Variants in CFAP61 observed in about 807,000 individuals in gnomAD.
CFAP61 encodes cilia and flagella associated protein 61.
Under a neutral mutation model 135.6 loss-of-function variants are expected in CFAP61, and 107 were observed. The observed-to-expected ratio is 0.79, with a 90% CI of 0.67 to 0.93. The LOEUF (loss-of-function observed/expected upper bound fraction) is 0.93, where lower values mean the gene tolerates loss of function less well. Among genes scored for constraint, CFAP61 ranks in the 40% least tolerant of loss-of-function variants. The probability of loss-of-function intolerance (pLI) is 0.00; values close to 1 mark genes in which losing one functional copy is unlikely to be tolerated. For synonymous variants in CFAP61, 575 were observed against 578.5 expected, an observed-to-expected ratio of 0.99 and a Z score of 0.09; for missense variants, 1,507 against 1,556.2, an observed-to-expected ratio of 0.97 and a Z score of 0.53.
At chr20:20,272,306 G>C (rs962137580) in intron 21 of CFAP61, among the ~76,000 whole-genome samples, 1 of 152,140 alleles carries the variant, frequency 6.6e-6, no homozygotes, top group African/African-American at 2.4e-5. Context: ...CGTGTGTGGT[G>C]GTGGGTGCCT....
chr20:20,191,342 G>A lies in CFAP61; in HGVS notation c.1513G>A (p.Asp505Asn), dbSNP rs1426972297. The A allele has an allele frequency of 1.6e-5, 25 of 1,612,084 alleles. 1 individual carries two copies. Among genetic ancestry groups the A allele is most frequent in the East Asian group, 4.5e-5 (2 of 44,828 alleles). ...DRYNKARKDPDGTLLQAFVAE... is the reference protein window; with the variant it reads ...DRYNKARKDPNGTLLQAFVAE... ...TTAAAATATATGCTTATCTTTTCAG[G>A]ATGGAACACTGCTGCAGGCATTTGT... The change falls in exon 15 of 27, where the codon GAT becomes AAT. Residue 505 changes from aspartate to asparagine, a missense_variant and splice_region_variant. Coordinates refer to ENST00000245957, the MANE Select transcript of CFAP61 (RefSeq NM_015585.4).
At chr20:20,307,051 TCA>T (rs1207984611) in intron 25 of CFAP61, among the ~76,000 whole-genome samples, 1 of 152,182 alleles carries the variant, frequency 6.6e-6, no homozygotes, top group Non-Finnish European at 1.5e-5. Flanking sequence ...CTGCCACCTC[TCA>T]GTTATCCATA....
At chr20:20,275,184 G>T (rs1261723579) in intron 21 of CFAP61, among the ~76,000 whole-genome samples, 4 of 152,150 alleles carry the variant, frequency 2.6e-5, no homozygotes, top group Non-Finnish European at 5.9e-5. Flanking sequence ...ATCCAAGCAG[G>T]ATGAAACACA....
At chr20:20,129,686 G>C (rs1319687166) in intron 8 of CFAP61, among the ~76,000 whole-genome samples, 1 of 149,500 alleles carries the variant, frequency 6.7e-6, no homozygotes, top group Non-Finnish European at 1.5e-5. Flanking sequence ...ATAATTCTTA[G>C]ATTTGTTTTT....
At chr20:20,081,787 G>T (rs189204201) in intron 6 of CFAP61, among the ~76,000 whole-genome samples, 2 of 150,184 alleles carry the variant, frequency 1.3e-5, no homozygotes, top group East Asian at 3.9e-4. Context: ...TACAGCCCCT[G>T]ATGTGCCCAT....
chr20:20,262,996 C>CA lies in CFAP61; in HGVS notation c.2372dup (p.Asn791LysfsTer31). On this transcript the variant is annotated frameshift_variant, in exon 21 of 27. Transcript: ENST00000245957. LOFTEE classifies it high-confidence loss of function. ...GAGGCTGATATTAGTCAACACCTGA[C>CA]AAACAGGGAGGTTCCCAACAGCAGT... The CA allele has an allele frequency of 6.2e-7, 1 of 1,613,646 alleles. No individual in the cohort carries two copies. The highest frequency in any genetic ancestry group is 8.5e-7 in the Non-Finnish European group (1 of 1,179,846).
At chr20:20,083,228 A>G (rs1379249774) in intron 6 of CFAP61, among the ~76,000 whole-genome samples, 15 of 152,166 alleles carry the variant, frequency 9.9e-5, no homozygotes. Flanking sequence ...ATTCTAAGTG[A>G]AGTAACTCAG....
At chr20:20,230,612 G>A (rs1158736811) in intron 18 of CFAP61, among the ~76,000 whole-genome samples, 1 of 152,126 alleles carries the variant, frequency 6.6e-6, no homozygotes, top group East Asian at 1.9e-4. Flanking sequence ...GGAGTGTATG[G>A]AGCAATCTCG....
chr20:20,346,001 A>G (rs1017233307), intron 26 of CFAP61, among the ~76,000 whole-genome samples: 1 of 129,192 alleles, frequency 7.7e-6, no homozygotes, highest in African/African-American at 2.8e-5. Flanking sequence ...TCCCGGGTTC[A>G]CGCCATTCTC....
intron 8 of CFAP61, among the ~76,000 whole-genome samples, chr20:20,111,701 A>T (rs2048812660): frequency 6.6e-6 from 1 of 152,216 alleles, no homozygotes; most frequent in South Asian, 2.1e-4. Flanking sequence ...AGGGAGAAAA[A>T]TAAGATATTT....
chr20:20,064,151 C>T (rs1600375020), intron 2 of CFAP61, among the ~76,000 whole-genome samples: 1 of 151,912 alleles, frequency 6.6e-6, no homozygotes, highest in Non-Finnish European at 1.5e-5. Context: ...TTGTTCATGC[C>T]TTCCACCCAC....
chr20:20,127,217 G>C (rs945938082), intron 8 of CFAP61, among the ~76,000 whole-genome samples: 2 of 151,608 alleles, frequency 1.3e-5, no homozygotes, highest in African/African-American at 4.9e-5. Context: ...ATCTGTTTCA[G>C]GTAAATCAGG....
intron 22 of CFAP61, among the ~76,000 whole-genome samples, chr20:20,280,513 C>A (rs1238593478): frequency 6.6e-6 from 1 of 152,078 alleles, no homozygotes; most frequent in Non-Finnish European, 1.5e-5. Context: ...TGTTGATAAC[C>A]AGAATCATAC....
chr20:20,212,543 T>C (rs1360327116), intron 17 of CFAP61, among the ~76,000 whole-genome samples: 1 of 152,160 alleles, frequency 6.6e-6, no homozygotes, highest in Non-Finnish European at 1.5e-5. Flanking sequence ...TGTCTCTCCC[T>C]GAGCCTGTTT....
At chr20:20,091,027 G>A (rs760105142) in intron 7 of CFAP61, 51 bp downstream of exon 7, 3 of 1,600,884 alleles carry the variant, frequency 1.9e-6, no homozygotes, top group East Asian at 4.5e-5. Flanking sequence ...AAGGAGGGAT[G>A]TGAGTGGTGT....
chr20:20,143,066 GA>G, intron 9 of CFAP61, 118 bp downstream of exon 9: 1 of 629,576 alleles, frequency 1.6e-6, no homozygotes, highest in Non-Finnish European at 2.8e-6. Context: ...GCCTGATGCA[GA>G]AAAGGCCTCA....
chr20:20,085,120 G>T (rs987258338), intron 6 of CFAP61: 7 of 985,278 alleles, frequency 7.1e-6, no homozygotes, highest in African/African-American at 3.5e-5. Context: ...TATAAACTCC[G>T]CATCTTCATC....
In CFAP61 at chr20:20,070,923, G is replaced by A. The variant is rs1462586055; in HGVS notation, c.213G>A (p.Leu71=). ...AGATCATGGCCCAGGCCACCTTCCT[G>A]GACTACCCCAACTGGAATGTTGCCA... ...KEEIMAQATF[L]DYPNWNVAKQ... is the part of the protein sequence containing the mutation. The change falls in exon 3 of 27, where the codon CTG becomes CTA. Residue 71 remains leucine (L), a synonymous_variant. Transcript: ENST00000245957. 3.1e-6 allele frequency: 5 copies of A among 1,614,012 alleles called. No individual in the cohort carries two copies. The highest frequency in any genetic ancestry group is 3.4e-6 in the Non-Finnish European group (4 of 1,180,024).
At chr20:20,264,289 A>G (rs935680942) in intron 21 of CFAP61, among the ~76,000 whole-genome samples, 2 of 152,062 alleles carry the variant, frequency 1.3e-5, no homozygotes, top group Non-Finnish European at 2.9e-5. Flanking sequence ...CTCACAAAGC[A>G]TTTTTGGAAG....
Sources: gnomAD v4.1 joint callset for allele counts (sites outside exome capture counted in the v4.1 genomes callset) on GRCh38, gnomAD v4.1.1 for gene constraint, MANE v1.5 for transcripts, NCBI Gene and HGNC (gene_info 2026-07-23, HGNC 2026-07-21) for gene names.